The following BBS9 variants were observed in gnomAD, a reference collection of about 807,000 sequenced individuals.
BBS9 encodes protein PTHB1.
In BBS9, 89 loss-of-function variants were observed where a neutral mutation model predicts 117.7. That is an observed-to-expected ratio of 0.76 (90% confidence interval 0.64 to 0.90). The LOEUF (loss-of-function observed/expected upper bound fraction) is 0.90, where lower values mean the gene tolerates loss of function less well. Among genes scored for constraint, BBS9 ranks in the 40% least tolerant of loss-of-function variants. The pLI is 0.00. For missense variants in BBS9, 982 were observed against 1,042.2 expected (o/e 0.94, Z 0.80); for synonymous variants, 379 against 370.9 (o/e 1.02, Z -0.25).
At chr7:33,528,773 A>G (rs150437259) in intron 20 of BBS9, among the ~76,000 whole-genome samples, 1 of 152,348 alleles carries the variant, frequency 6.6e-6, no homozygotes, top group Non-Finnish European at 1.5e-5. Flanking sequence ...GAGTGAGGTT[A>G]AGTCAGAACT....
Position 33,146,278 on chromosome 7 carries a change from G to C in BBS9, c.26G>C (p.Trp9Ser). MSLFKARD[W>S]WSTILGDKEE... ...ATGTCTTTATTTAAAGCCCGTGATT[G>C]GTGGTCTACTATTCTGGGAGATAAA... is the stretch of plus-strand genomic sequence containing the variant. The change falls in exon 2 of 23, where the codon TGG becomes TCG. Residue 9 changes from tryptophan (W) to serine (S), a missense_variant. By Grantham distance (177) the Trp-to-Ser change is radical. Transcript: ENST00000242067. 1 of 1,613,828 alleles carries C rather than the reference G, an allele frequency of 6.2e-7. No homozygotes were observed. The highest frequency in any genetic ancestry group is 8.5e-7 in the Non-Finnish European group (1 of 1,179,764).
chr7:33,395,351 C>T (rs1366706356), intron 19 of BBS9, among the ~76,000 whole-genome samples: 1 of 152,140 alleles, frequency 6.6e-6, no homozygotes, highest in Admixed American at 6.6e-5. Flanking sequence ...TTTATTATAA[C>T]ATTTTCACAT....
At chr7:33,307,350 A>C (rs1223376200) in intron 9 of BBS9, among the ~76,000 whole-genome samples, 1 of 152,158 alleles carries the variant, frequency 6.6e-6, no homozygotes, top group Non-Finnish European at 1.5e-5. Flanking sequence ...TTTGAAGAGC[A>C]TGTGTTTGTT....
chr7:33,591,200 A>G (rs1309299577), intron 21 of BBS9, among the ~76,000 whole-genome samples: 1 of 151,998 alleles, frequency 6.6e-6, no homozygotes, highest in African/African-American at 2.4e-5. Flanking sequence ...TTCCTTTTTA[A>G]GTCAACAAGT....
intron 5 of BBS9, among the ~76,000 whole-genome samples, chr7:33,184,396 C>A (rs1439692805): frequency 6.6e-6 from 1 of 151,942 alleles, no homozygotes; most frequent in Non-Finnish European, 1.5e-5. Flanking sequence ...GCAGATTAAT[C>A]CAAAGAAAAT....
chr7:33,477,105 G>T (rs1367266523), intron 19 of BBS9, among the ~76,000 whole-genome samples: 1 of 152,286 alleles, frequency 6.6e-6, no homozygotes, highest in East Asian at 1.9e-4. Flanking sequence ...TTGTACCTCA[G>T]ATTTCTCATC....
At chr7:33,324,600 A>ATT (rs34915663) in intron 9 of BBS9, among the ~76,000 whole-genome samples, 2 of 135,540 alleles carry the variant, frequency 1.5e-5, no homozygotes, top group Non-Finnish European at 1.6e-5. Context: ...GTTAACATCC[A>ATT]TTTTTTTTTT....
At chr7:33,223,097 A>T (rs1790568717) in intron 5 of BBS9, among the ~76,000 whole-genome samples, 1 of 151,946 alleles carries the variant, frequency 6.6e-6, no homozygotes, top group African/African-American at 2.4e-5. Context: ...ACATTAAAAA[A>T]TTAATTTTTT....
chr7:33,298,715 G>A (rs370858925), intron 9 of BBS9, among the ~76,000 whole-genome samples: 3 of 152,126 alleles, frequency 2.0e-5, no homozygotes, highest in African/African-American at 4.8e-5. Flanking sequence ...TTGCTTGCTG[G>A]ATTGCAACAA....
At chr7:33,460,503 T>G (rs1212101450) in intron 19 of BBS9, among the ~76,000 whole-genome samples, 1 of 152,080 alleles carries the variant, frequency 6.6e-6, no homozygotes, top group Non-Finnish European at 1.5e-5. Context: ...ACTGAAAAAC[T>G]CTTAAGATTT....
intron 9 of BBS9, among the ~76,000 whole-genome samples, chr7:33,305,804 A>AC (rs1272540073): frequency 3.3e-5 from 5 of 151,700 alleles, no homozygotes; most frequent in Middle Eastern, 3.4e-3. Flanking sequence ...TTTTTTTCTT[A>AC]CGCTGGCTGA....
At chr7:33,401,160 T>G (rs1407742159) in intron 19 of BBS9, among the ~76,000 whole-genome samples, 3 of 152,226 alleles carry the variant, frequency 2.0e-5, no homozygotes, top group Non-Finnish European at 2.9e-5. Flanking sequence ...TAGGACTGGC[T>G]TCTAGCCCAT....
intron 9 of BBS9, among the ~76,000 whole-genome samples, chr7:33,324,504 C>G (rs943507224): frequency 2.0e-5 from 3 of 152,134 alleles, no homozygotes; most frequent in African/African-American, 7.2e-5. Context: ...TTACACACCA[C>G]AGTTACAGTG....
chr7:33,490,228 G>A (rs531824000), intron 19 of BBS9, among the ~76,000 whole-genome samples: 2 of 152,080 alleles, frequency 1.3e-5, no homozygotes, highest in Non-Finnish European at 2.9e-5. Context: ...TCCAAATTTG[G>A]ACATTTCAAG....
At chr7:33,618,840 TAC>T (rs1562536182) in intron 21 of BBS9, among the ~76,000 whole-genome samples, 1 of 151,588 alleles carries the variant, frequency 6.6e-6, no homozygotes, top group Non-Finnish European at 1.5e-5. Context: ...CATACACACA[TAC>T]ACACACACAT....
chr7:33,351,829 CT>C, intron 14 of BBS9: 1 of 178,212 alleles, frequency 5.6e-6, no homozygotes, highest in South Asian at 1.2e-4. Flanking sequence ...GCACTTATTC[CT>C]TGTGGCCCCA....
Position 33,357,837 on chromosome 7 carries a change from A to C in BBS9, c.1553-18A>C, listed in dbSNP as rs1380147120. 1 of 1,607,780 alleles carries C rather than the reference A, an allele frequency of 6.2e-7. No individual in the cohort carries two copies. The highest frequency in any genetic ancestry group is 2.2e-5 in the East Asian group (1 of 44,786). On this transcript the variant is annotated intron_variant, in intron 15 of 22. Coordinates refer to ENST00000242067, the MANE Select transcript of BBS9 (RefSeq NM_198428.3). Reference sequence around the variant, plus strand: ...ATTTGTCAAGTCTATGAATCTACATATCTCTCTTTTATTTTAGGCATTCCG... The same window carrying C: ...ATTTGTCAAGTCTATGAATCTACATCTCTCTCTTTTATTTTAGGCATTCCG...
chr7:33,165,357 T>C (rs1795507569), intron 4 of BBS9, among the ~76,000 whole-genome samples: 1 of 152,186 alleles, frequency 6.6e-6, no homozygotes, highest in African/African-American at 2.4e-5. Flanking sequence ...CTGTATTTCC[T>C]GAATTTGAAT....
At chr7:33,247,461 C>A (rs1210848835) in intron 5 of BBS9, among the ~76,000 whole-genome samples, 1 of 152,174 alleles carries the variant, frequency 6.6e-6, no homozygotes, top group Non-Finnish European at 1.5e-5. Context: ...AGTCCCTCCC[C>A]TCCCAACACC....
Sources: allele counts gnomAD v4.1 joint callset (sites outside exome capture counted in the v4.1 genomes callset), GRCh38; gene constraint gnomAD v4.1.1; transcripts MANE v1.5; gene names NCBI Gene and HGNC (gene_info 2026-07-23, HGNC 2026-07-21).